The following GRIK2 variants were observed in gnomAD, a reference collection of about 807,000 sequenced individuals.
The protein encoded by GRIK2 is glutamate ionotropic receptor kainate type subunit 2, also known as glutamate receptor ionotropic, kainate 2.
In GRIK2, 32 loss-of-function variants were observed where a neutral mutation model predicts 100.3. The ratio of observed to expected loss-of-function variants is 0.32; its 90% CI spans 0.24 to 0.43. GRIK2 has a LOEUF of 0.43. Among genes scored for constraint, GRIK2 ranks in the 20% least tolerant of loss-of-function variants. GRIK2 has a pLI of 1.00. For missense variants in GRIK2, 843 were observed against 1,114.9 expected, an observed-to-expected ratio of 0.76 and a Z score of 3.47; for synonymous variants, 417 against 389.4, an observed-to-expected ratio of 1.07 and a Z score of -0.83.
chr6:101,941,231 T>C (rs948212309), intron 14 of GRIK2, among the ~76,000 whole-genome samples: 2 of 152,036 alleles, frequency 1.3e-5, no homozygotes, highest in Non-Finnish European at 1.5e-5. Flanking sequence ...AAAATACATA[T>C]GGGCAAATTT....
At chr6:101,637,678 A>T (rs2518316) in intron 4 of GRIK2, among the ~76,000 whole-genome samples, 28,271 of 152,096 alleles carry the variant, frequency 0.19, 3,023 homozygotes, top group African/African-American at 0.3. Flanking sequence ...AGCTGTTCAT[A>T]GTCTCCCCAG....
intron 12 of GRIK2, among the ~76,000 whole-genome samples, chr6:101,900,957 C>A (rs1054887293): frequency 6.7e-6 from 1 of 149,674 alleles, no homozygotes; most frequent in African/African-American, 2.5e-5. Flanking sequence ...TATTAGAAAT[C>A]TCTTGACCTT....
intron 2 of GRIK2, among the ~76,000 whole-genome samples, chr6:101,572,679 G>T (rs1777593385): frequency 6.7e-6 from 1 of 148,586 alleles, no homozygotes; most frequent in Non-Finnish European, 1.5e-5. Context: ...CGTACCCTGA[G>T]TTATTGTGTT....
intron 4 of GRIK2, among the ~76,000 whole-genome samples, chr6:101,662,500 T>C (rs1461484175): frequency 1.3e-5 from 2 of 152,138 alleles, no homozygotes; most frequent in African/African-American, 4.8e-5. Flanking sequence ...TCTTGGAAAG[T>C]GCAGTCTAAC....
At chr6:101,971,719 G>A (rs780094076) in intron 14 of GRIK2, among the ~76,000 whole-genome samples, 1 of 151,830 alleles carries the variant, frequency 6.6e-6, no homozygotes, top group East Asian at 1.9e-4. Flanking sequence ...GTGTCCAATA[G>A]GTAGTTTTTC....
At chr6:101,517,026 C>A (rs1774621490) in intron 2 of GRIK2, among the ~76,000 whole-genome samples, 1 of 151,986 alleles carries the variant, frequency 6.6e-6, no homozygotes, top group Admixed American at 6.6e-5. Context: ...AGTCTATTGC[C>A]TTATTTTCTG....
intron 14 of GRIK2, among the ~76,000 whole-genome samples, chr6:101,990,012 T>A (rs1207580056): frequency 1.3e-5 from 2 of 151,724 alleles, no homozygotes; most frequent in Non-Finnish European, 3.0e-5. Flanking sequence ...AAGAAACAAG[T>A]CATCTTCCAA....
intron 15 of GRIK2, among the ~76,000 whole-genome samples, chr6:102,047,340 A>G (rs1036497707): frequency 1.2e-4 from 19 of 152,150 alleles, no homozygotes; most frequent in Admixed American, 1.3e-4. Flanking sequence ...ACTCAAAATC[A>G]GAAAGAAAAA....
At position 101,423,357 on chromosome 6, in the gene GRIK2, T is replaced by G. The variant is rs564218858; in HGVS notation, c.115+23965T>G. 2.0e-5 allele frequency among the ~76,000 whole-genome samples: 3 copies of G among 152,300 alleles called. No individual in the cohort carries two copies. In the East Asian group the frequency reaches 5.8e-4, roughly 29 times the overall value. On this transcript the variant is annotated intron_variant, in intron 2 of 16. Transcript: ENST00000369134. ...CTTTAAAAAGCTCTATTTTTAAAAT[T>G]TGGATAGACTTCCCTCGTGTTTTCC...
intron 2 of GRIK2, among the ~76,000 whole-genome samples, chr6:101,475,423 A>G (rs1298887404): frequency 6.6e-6 from 1 of 152,034 alleles, no homozygotes. Context: ...GTAGTTTAAA[A>G]GGAATTAGGC....
chr6:101,600,284 G>A (rs1162333333), intron 2 of GRIK2, among the ~76,000 whole-genome samples: 1 of 151,768 alleles, frequency 6.6e-6, no homozygotes, highest in Non-Finnish European at 1.5e-5. Flanking sequence ...CCAGTACCAT[G>A]CTCTTTTGGT....
intron 2 of GRIK2, among the ~76,000 whole-genome samples, chr6:101,533,386 C>CA (rs937635771): frequency 6.8e-6 from 1 of 146,794 alleles, no homozygotes; most frequent in Non-Finnish European, 1.5e-5. Flanking sequence ...TCAATTAGAA[C>CA]AAAAAAAAGC....
chr6:101,975,809 G>GTCTATCTATCTATCTATCTATCTA lies in GRIK2; in HGVS notation c.2085+47192_2085+47215dup, dbSNP rs71028093. ...TGTCTGTCTGTCTATCTATCTATCT[G>GTCTATCTATCTATCTATCTATCTA]TCTATCTATCTATCTATCTATCTAT... On this transcript the variant is annotated intron_variant, in intron 14 of 16. Coordinates refer to ENST00000369134, the MANE Select transcript of GRIK2 (RefSeq NM_021956.5). 7.5e-3 allele frequency among the ~76,000 whole-genome samples: 1,113 copies of GTCTATCTATCTATCTATCTATCTA among 147,492 alleles called. 9 individuals are homozygous for GTCTATCTATCTATCTATCTATCTA. Among genetic ancestry groups the GTCTATCTATCTATCTATCTATCTA allele is most frequent in the East Asian group, 0.031 (149 of 4,844 alleles).
chr6:101,929,615 G>A (rs1790132633), intron 14 of GRIK2, among the ~76,000 whole-genome samples: 2 of 152,046 alleles, frequency 1.3e-5, no homozygotes, highest in Admixed American at 1.3e-4. Flanking sequence ...TGGTTTAGTT[G>A]GAGACAGAAT....
At chr6:101,759,943 G>C (rs974662845) in intron 7 of GRIK2, among the ~76,000 whole-genome samples, 2 of 126,282 alleles carry the variant, frequency 1.6e-5, no homozygotes, top group African/African-American at 7.8e-5. Flanking sequence ...CTGCAGTGGC[G>C]CAATCTCGGC....
chr6:102,029,319 T>C (rs1322284151), intron 14 of GRIK2, among the ~76,000 whole-genome samples: 1 of 151,274 alleles, frequency 6.6e-6, no homozygotes, highest in Non-Finnish European at 1.5e-5. Context: ...TACAGGTGGC[T>C]CCTTCAACAT....
intron 7 of GRIK2, among the ~76,000 whole-genome samples, chr6:101,772,435 A>T (rs773666882): frequency 6.6e-6 from 1 of 152,196 alleles, no homozygotes; most frequent in Non-Finnish European, 1.5e-5. Context: ...TGAAGATGCC[A>T]CTGAGTTACT....
intron 9 of GRIK2, among the ~76,000 whole-genome samples, chr6:101,805,093 G>A (rs2128415834): frequency 6.6e-6 from 1 of 151,980 alleles, no homozygotes; most frequent in South Asian, 2.1e-4. Context: ...TCTGCCTCAT[G>A]ATGACTGAGT....
chr6:101,775,601 C>T (rs556146239), intron 7 of GRIK2, among the ~76,000 whole-genome samples: 4 of 150,460 alleles, frequency 2.7e-5, no homozygotes, highest in Non-Finnish European at 4.4e-5. Context: ...TTATAATAAA[C>T]TATAAATTCA....
Sources: allele counts gnomAD v4.1 joint callset (sites outside exome capture counted in the v4.1 genomes callset), GRCh38; gene constraint gnomAD v4.1.1; transcripts MANE v1.5; gene names NCBI Gene and HGNC (gene_info 2026-07-23, HGNC 2026-07-21).